The following KATNBL1 variants were observed in gnomAD, a reference collection of about 807,000 sequenced individuals.
KATNBL1 encodes KATNB1-like protein 1.
A neutral mutation model predicts 44.7 loss-of-function variants in KATNBL1; 28 were observed. The ratio of observed to expected loss-of-function variants is 0.63; its 90% CI spans 0.46 to 0.86. KATNBL1 has a LOEUF of 0.86. KATNBL1 is among the 40% of genes least tolerant of loss of function. KATNBL1 has a pLI of 0.00. For missense variants in KATNBL1, 272 were observed against 350.7 expected, an observed-to-expected ratio of 0.78 and a Z score of 1.79; for synonymous variants, 78 against 114.9, an observed-to-expected ratio of 0.68 and a Z score of 2.06.
chr15:34,181,618 A>ACATATGTC (rs1276884582), intron 1 of KATNBL1, among the ~76,000 whole-genome samples: 2 of 113,132 alleles, frequency 1.8e-5, no homozygotes, highest in African/African-American at 6.4e-5. Flanking sequence ...ATATATATAC[A>ACATATGTC]CATATATATG....
intron 4 of KATNBL1, among the ~76,000 whole-genome samples, chr15:34,149,438 T>G (rs1888402332): frequency 6.6e-6 from 1 of 152,162 alleles, no homozygotes; most frequent in Non-Finnish European, 1.5e-5. Flanking sequence ...CTTTTTTTTT[T>G]TTGGAGACAG....
At chr15:34,143,169 T>A (rs1245751092) in intron 9 of KATNBL1, 1 of 442,672 alleles carries the variant, frequency 2.3e-6, no homozygotes. Flanking sequence ...AATAAAGCTT[T>A]TCCCTTTGTA....
intron 2 of KATNBL1, among the ~76,000 whole-genome samples, chr15:34,158,806 C>T (rs1888712782): frequency 6.6e-6 from 1 of 152,192 alleles, no homozygotes; most frequent in Non-Finnish European, 1.5e-5. Context: ...CCATTGACTA[C>T]TGAGTACCCA....
At chr15:34,168,434 T>A (rs1369917479) in intron 1 of KATNBL1, among the ~76,000 whole-genome samples, 1 of 152,108 alleles carries the variant, frequency 6.6e-6, no homozygotes, top group East Asian at 1.9e-4. Context: ...CCCAGATTCA[T>A]AAAGCAAGTC....
At chr15:34,190,233 C>A (rs980947568) in intron 1 of KATNBL1, among the ~76,000 whole-genome samples, 1 of 152,126 alleles carries the variant, frequency 6.6e-6, no homozygotes, top group African/African-American at 2.4e-5. Context: ...CGTGAGCCAC[C>A]GCGCCCGGCC....
chr15:34,143,708 G>A (rs888959797), intron 9 of KATNBL1, among the ~76,000 whole-genome samples: 2 of 150,322 alleles, frequency 1.3e-5, no homozygotes, highest in African/African-American at 4.9e-5. Flanking sequence ...CCAGCACTTT[G>A]GGAGGCCAAG....
intron 1 of KATNBL1, among the ~76,000 whole-genome samples, chr15:34,176,088 G>A (rs902670390): frequency 6.6e-6 from 1 of 152,040 alleles, no homozygotes; most frequent in East Asian, 1.9e-4. Flanking sequence ...AAAAAGGAAT[G>A]AAGTGGCCAG....
rs536283658 is a variant in KATNBL1, at chr15:34,147,407, A to C, written c.581T>G (p.Val194Gly). ...LLRIEDLGVV[V>G]DCLPVLTNCL... is the part of the protein sequence containing the mutation. ...ATTGGTGAGCACAGGAAGGCAATCT[A>C]CCACAACGCCAAGATCTTCTATCCT... Residue 194 changes from valine (V) to glycine (G), a missense_variant, in exon 6 of 10, where the codon GTA becomes GGA. This residue lies in a region of KATNBL1 where 111 missense variants were observed against 149.3 expected (regional missense o/e 0.74). Transcript: ENST00000256544. 1.2e-5 allele frequency: 20 copies of C among 1,613,380 alleles called. No individual in the cohort carries two copies. The South Asian group carries it at 2.2e-4, about 18-fold the overall frequency.
Position 34,191,154 on chromosome 15 carries a change from C to CATATATATAT in KATNBL1, c.-15+18787_-15+18796dup, listed in dbSNP as rs57428240. 1.9e-3 allele frequency among the ~76,000 whole-genome samples: 258 copies of CATATATATAT among 136,110 alleles called. 2 individuals are homozygous for CATATATATAT. Among genetic ancestry groups the CATATATATAT allele is most frequent in the Middle Eastern group, 8.2e-3 (2 of 244 alleles). The allele number at this position is 136,110 out of a possible 152,430, so 89.3% of individuals were successfully genotyped here. On this transcript the variant is annotated intron_variant, in intron 1 of 9. Coordinates refer to ENST00000256544, the MANE Select transcript of KATNBL1 (RefSeq NM_024713.3). Reference sequence around the variant, plus strand: ...CAAAAATTTCATATAAATCATAGACCATATATATATATATATATATATATA... The same window carrying CATATATATAT: ...CAAAAATTTCATATAAATCATAGACCATATATATATATATATATATATATATATATATATA...
intron 4 of KATNBL1, among the ~76,000 whole-genome samples, chr15:34,150,460 G>T (rs1795941561): frequency 6.6e-6 from 1 of 152,134 alleles, no homozygotes; most frequent in Admixed American, 6.5e-5. Context: ...TGGGTGTGGT[G>T]GCACATGCCT....
chr15:34,199,162 G>A (rs1035905067), intron 1 of KATNBL1, among the ~76,000 whole-genome samples: 1 of 152,200 alleles, frequency 6.6e-6, no homozygotes, highest in African/African-American at 2.4e-5. Context: ...TTACCGGCCA[G>A]GCGCAGTGGC....
chr15:34,206,872 T>C (rs891411848), intron 1 of KATNBL1, among the ~76,000 whole-genome samples: 3 of 152,164 alleles, frequency 2.0e-5, no homozygotes, highest in Non-Finnish European at 1.5e-5. Flanking sequence ...GTACCATTTG[T>C]ATTAGGTTTA....
At chr15:34,188,458 A>C (rs1889785302) in intron 1 of KATNBL1, among the ~76,000 whole-genome samples, 2 of 151,956 alleles carry the variant, frequency 1.3e-5, no homozygotes, top group Admixed American at 6.6e-5. Flanking sequence ...TGGGAGGCTG[A>C]GGCATGAGAA....
chr15:34,199,476 C>G (rs914209397), intron 1 of KATNBL1: 7 of 152,118 alleles, frequency 4.6e-5, no homozygotes, highest in African/African-American at 1.7e-4. Context: ...ATTAACAGAG[C>G]CTGACATTAT....
intron 1 of KATNBL1, among the ~76,000 whole-genome samples, chr15:34,198,049 C>A (rs1455628671): frequency 6.6e-6 from 1 of 152,190 alleles, no homozygotes; most frequent in African/African-American, 2.4e-5. Context: ...GCCACCGCAC[C>A]CAGCCGAGTT....
intron 9 of KATNBL1, chr15:34,142,921 G>A (rs989404914): frequency 3.4e-5 from 14 of 408,662 alleles, no homozygotes; most frequent in Admixed American, 3.5e-5. Flanking sequence ...CATGTTGGCC[G>A]GGATGGTCTC....
chr15:34,153,026 C>T lies in KATNBL1; in HGVS notation c.202G>A (p.Val68Met). 1 of 1,613,300 alleles carries T rather than the reference C, an allele frequency of 6.2e-7. No homozygotes were observed. Among genetic ancestry groups the T allele is most frequent in the Non-Finnish European group, 8.5e-7 (1 of 1,179,434 alleles). Residue 68 changes from valine (V) to methionine (M), a missense_variant, in exon 4 of 10, where the codon GTG becomes ATG. Val to Met is a conservative substitution (Grantham distance 21, BLOSUM62 1). Around this residue, in one of 3 missense-constraint regions of KATNBL1, gnomAD observed 122 missense variants for 125.0 expected, o/e 0.98. Coordinates refer to ENST00000256544, the MANE Select transcript of KATNBL1 (RefSeq NM_024713.3). Reference protein sequence around the residue: ...TVKSPDKLRKVIYRRKKVHHP... With the variant: ...TVKSPDKLRKMIYRRKKVHHP... ...TGAACTTTCTTTCTGCGATAGATCA[C>T]TTTACGAAGTTTATCTGGGCTTTTC...
chr15:34,171,938 G>C (rs1043901524), intron 1 of KATNBL1, among the ~76,000 whole-genome samples: 1 of 136,994 alleles, frequency 7.3e-6, no homozygotes, highest in Non-Finnish European at 1.6e-5. Context: ...GCCTGTCATG[G>C]GGTGGGGGGT....
chr15:34,143,966 C>CAAAAAAAAAAAAAA (rs61591705), intron 9 of KATNBL1, among the ~76,000 whole-genome samples: 1 of 66,404 alleles, frequency 1.5e-5, no homozygotes, highest in Non-Finnish European at 2.4e-5. Flanking sequence ...GATTCCATCT[C>CAAAAAAAAAAAAAA]AAAAAAAAAA....
Sources: allele counts gnomAD v4.1 joint callset (sites outside exome capture counted in the v4.1 genomes callset), GRCh38; gene constraint gnomAD v4.1.1; regional missense constraint gnomAD v4.1.1; transcripts MANE v1.5; gene names NCBI Gene and HGNC (gene_info 2026-07-23, HGNC 2026-07-21).